NEXMIF: variants seen among roughly 807,000 people sequenced by gnomAD.
NEXMIF encodes the protein XLMR protein related to neurite extension.
A neutral mutation model predicts 62.1 loss-of-function variants in NEXMIF; 8 were observed. That is an observed-to-expected ratio of 0.13 (90% CI 0.08 to 0.23). The LOEUF (loss-of-function observed/expected upper bound fraction) is 0.23, where lower values mean the gene tolerates loss of function less well. Among genes scored for constraint, NEXMIF ranks in the 10% least tolerant of loss-of-function variants. The pLI is 1.00. For missense variants in NEXMIF, 976 were observed against 1,113.3 expected, an observed-to-expected ratio of 0.88 and a Z score of 1.75; for synonymous variants, 404 against 416.6, an observed-to-expected ratio of 0.97 and a Z score of 0.37.
At position 74,745,714 on chromosome X, in the gene NEXMIF, T is replaced by A; in HGVS notation, c.-47-17A>T. 2 of 686,038 alleles carry A rather than the reference T, an allele frequency of 2.9e-6. No individual in the cohort carries two copies. The highest frequency in any genetic ancestry group is 4.7e-6 in the Non-Finnish European group (2 of 427,284). 56.5% of individuals were successfully genotyped at this position (686,038 alleles called of 1,213,427 possible). A position where few individuals can be genotyped will look rare whatever the true frequency, so the allele number is the denominator to read the frequency against. On this transcript the variant is annotated splice_polypyrimidine_tract_variant and intron_variant, in intron 1 of 3. Transcript: ENST00000055682. ...CTGTCCAACCTGCACATTTCAAATATATAATATCAGTCATTAAATTTGTTT... is the reference window on the plus strand; with the variant it reads ...CTGTCCAACCTGCACATTTCAAATAAATAATATCAGTCATTAAATTTGTTT...
At chrX:74,912,203 T>C (rs933559286) in intron 1 of NEXMIF, among the ~76,000 whole-genome samples, 2 of 111,013 alleles carry the variant, frequency 1.8e-5, no homozygotes, top group Non-Finnish European at 3.8e-5. Context: ...ACATAAATGC[T>C]CCCCACCTGG....
intron 1 of NEXMIF, among the ~76,000 whole-genome samples, chrX:74,866,619 G>A (rs769275154): frequency 1.8e-5 from 2 of 112,621 alleles, no homozygotes; most frequent in South Asian, 7.4e-4. Context: ...TTGAATTGTA[G>A]CTCCCATAAT....
intron 1 of NEXMIF, among the ~76,000 whole-genome samples, chrX:74,887,591 A>T (rs375320652): frequency 1.8e-5 from 2 of 111,607 alleles, no homozygotes; most frequent in Admixed American, 9.5e-5. Flanking sequence ...TCAAAACCAC[A>T]ATGAGATACC....
chrX:74,751,298 T>C (rs886743461), intron 1 of NEXMIF, among the ~76,000 whole-genome samples: 4 of 111,713 alleles, frequency 3.6e-5, no homozygotes. Flanking sequence ...TACTGTATAA[T>C]GGACAGAGTA....
chrX:74,796,260 T>TATATTATATATATACATATATATTATAC (rs2080311082), intron 1 of NEXMIF, among the ~76,000 whole-genome samples: 1 of 47,572 alleles, frequency 2.1e-5, no homozygotes, highest in Non-Finnish European at 4.0e-5. Flanking sequence ...ATATATTATA[T>TATATTATATATATACATATATATTATAC]ATATTATATA....
chrX:74,742,787 C>T lies in NEXMIF; in HGVS notation c.1770G>A (p.Lys590=), dbSNP rs895550125. The stretch of plus-strand genomic sequence containing the variant: ...TGTTGGTGTTTCTCTGCTTCTTCTT[C>T]TTTTGCCAGAAGCCTTTCAAGGGTG... ...KLAPLKGFWQ[K]KKKQRNTNTD... The change falls in exon 3 of 4, where the codon AAG becomes AAA. Residue 590 remains lysine (K), a synonymous_variant. Transcript: ENST00000055682. 2.5e-6 allele frequency: 3 copies of T among 1,209,381 alleles called. No individual in the cohort carries two copies. Among genetic ancestry groups the T allele is most frequent in the Non-Finnish European group, 3.4e-6 (3 of 895,085 alleles).
chrX:74,833,862 A>T (rs1012046050), intron 1 of NEXMIF, among the ~76,000 whole-genome samples: 2 of 111,491 alleles, frequency 1.8e-5, no homozygotes, highest in East Asian at 5.6e-4. Flanking sequence ...AAGAAAACTA[A>T]TAAGGCTGGG....
chrX:74,796,245 CACATATATATTATATATATTATATATAT>C (rs1569345282), intron 1 of NEXMIF, among the ~76,000 whole-genome samples: 1 of 14,436 alleles, frequency 6.9e-5, no homozygotes, highest in African/African-American at 1.2e-4. Flanking sequence ...TATATATATA[CACATATATATTATATATATTATATATAT>C]ACATATATAT....
At chrX:74,780,584 C>T (rs1197658612) in intron 1 of NEXMIF, among the ~76,000 whole-genome samples, 1 of 108,953 alleles carries the variant, frequency 9.2e-6, no homozygotes, top group East Asian at 2.9e-4. Flanking sequence ...GCTATGTTGC[C>T]CAGACTGGTC....
intron 1 of NEXMIF, among the ~76,000 whole-genome samples, chrX:74,916,156 A>G (rs1266405037): frequency 8.9e-6 from 1 of 112,047 alleles, no homozygotes; most frequent in African/African-American, 3.2e-5. Flanking sequence ...GGCTAATGAT[A>G]TTTGCAATTC....
chrX:74,748,485 T>A (rs1327901316), intron 1 of NEXMIF, among the ~76,000 whole-genome samples: 1 of 112,331 alleles, frequency 8.9e-6, no homozygotes, highest in African/African-American at 3.2e-5. Context: ...TTGCTTTAGC[T>A]TTCCCCCACT....
At chrX:74,864,641 T>C (rs757949609) in intron 1 of NEXMIF, among the ~76,000 whole-genome samples, 1 of 112,393 alleles carries the variant, frequency 8.9e-6, no homozygotes, top group Non-Finnish European at 1.9e-5. Context: ...TTGTGAGGCC[T>C]TCCCAGCCAT....
intron 1 of NEXMIF, among the ~76,000 whole-genome samples, chrX:74,863,572 C>G (rs963604073): frequency 1.8e-5 from 2 of 111,587 alleles, no homozygotes; most frequent in African/African-American, 3.3e-5. Context: ...CAAGACTGAA[C>G]CAGGAAGGAG....
At chrX:74,768,397 C>T (rs2080200925) in intron 1 of NEXMIF, among the ~76,000 whole-genome samples, 1 of 112,309 alleles carries the variant, frequency 8.9e-6, no homozygotes, top group African/African-American at 3.2e-5. Flanking sequence ...AAGCAGCACG[C>T]ATTAGCTGCT....
chrX:74,875,575 G>T (rs962042828), intron 1 of NEXMIF, among the ~76,000 whole-genome samples: 2 of 111,903 alleles, frequency 1.8e-5, no homozygotes, highest in African/African-American at 3.3e-5. Context: ...AATGGTACCA[G>T]TTCCTCCTTG....
At chrX:74,844,280 A>G (rs2080484213) in intron 1 of NEXMIF, among the ~76,000 whole-genome samples, 1 of 111,088 alleles carries the variant, frequency 9.0e-6, no homozygotes, top group African/African-American at 3.3e-5. Context: ...CTTGTGTAGA[A>G]TCTTGCAGGA....
chrX:74,741,193 G>T lies in NEXMIF; in HGVS notation c.3364C>A (p.Gln1122Lys). ...GTAAATCCATCCTCCATTTGGACCT[G>T]CCGTGAAAGGGTACTGCAGTCCCAC... is the stretch of plus-strand genomic sequence containing the variant. Reference protein sequence around the residue: ...IKWDCSTLSRQVQMEDGFTLN... With the variant: ...IKWDCSTLSRKVQMEDGFTLN... The change falls in exon 3 of 4, where the codon CAG becomes AAG. Residue 1122 changes from glutamine (Q) to lysine (K), a missense_variant. This residue lies in a region of NEXMIF where 639 missense variants were observed against 694.5 expected (regional missense o/e 0.92). Transcript: ENST00000055682. 1 of 1,211,270 alleles carries T rather than the reference G, an allele frequency of 8.3e-7. No homozygotes were observed. The highest frequency in any genetic ancestry group is 1.1e-6 in the Non-Finnish European group (1 of 895,316).
At chrX:74,778,405 C>T (rs1008665461) in intron 1 of NEXMIF, among the ~76,000 whole-genome samples, 5 of 111,210 alleles carry the variant, frequency 4.5e-5, no homozygotes, top group African/African-American at 1.6e-4. Context: ...TGGATCTCAT[C>T]TCCCTTTCTC....
At chrX:74,905,311 T>C (rs1476517118) in intron 1 of NEXMIF, among the ~76,000 whole-genome samples, 2 of 111,175 alleles carry the variant, frequency 1.8e-5, no homozygotes, top group African/African-American at 6.5e-5. Context: ...AGGAGAGACA[T>C]ACTTTCATGC....
Sources: gnomAD v4.1 joint callset for allele counts (sites outside exome capture counted in the v4.1 genomes callset) on GRCh38, gnomAD v4.1.1 for gene constraint, gnomAD v4.1.1 regional missense constraint, MANE v1.5 for transcripts, NCBI Gene and HGNC (gene_info 2026-07-23, HGNC 2026-07-21) for gene names.